The following LHPP variants were observed in gnomAD, a reference collection of about 807,000 sequenced individuals.
LHPP encodes the protein phospholysine phosphohistidine inorganic pyrophosphate phosphatase.
A neutral mutation model predicts 30.3 loss-of-function variants in LHPP; 24 were observed. The ratio of observed to expected loss-of-function variants is 0.79; its 90% confidence interval spans 0.57 to 1.11. LHPP has a LOEUF of 1.11. Ranked by LOEUF, LHPP falls within the 50% of genes most tolerant of loss-of-function variation. LHPP has a pLI of 0.00. For missense variants in LHPP, 356 were observed against 367.2 expected, an observed-to-expected ratio of 0.97 and a Z score of 0.25; for synonymous variants, 150 against 157.1, an observed-to-expected ratio of 0.95 and a Z score of 0.34.
In LHPP at chr10:124,534,585, C is replaced by T. The variant is rs576794302; in HGVS notation, c.716+17314C>T. Among the ~76,000 whole-genome samples, 5 of 152,380 alleles carry T rather than the reference C, an allele frequency of 3.3e-5. No homozygotes were observed. The South Asian group carries it at 8.3e-4, about 25-fold the overall frequency. On this transcript the variant is annotated intron_variant, in intron 6 of 6. Transcript: ENST00000368842. The stretch of plus-strand genomic sequence containing the variant: ...CCACTTCACCCCTGCATGCTTCCTT[C>T]CCTGTCTGTAAAAGCGGATCACGTG...
chr10:124,542,198 A>G (rs1254605016), intron 6 of LHPP, among the ~76,000 whole-genome samples: 1 of 152,168 alleles, frequency 6.6e-6, no homozygotes, highest in African/African-American at 2.4e-5. Flanking sequence ...TGGAACACAG[A>G]TGCCTTCAGT....
chr10:124,479,812 G>A (rs550127823), intron 1 of LHPP, among the ~76,000 whole-genome samples: 1 of 152,344 alleles, frequency 6.6e-6, no homozygotes, highest in South Asian at 2.1e-4. Flanking sequence ...GGGCTCACAG[G>A]CCTTGCTGCT....
intron 6 of LHPP, among the ~76,000 whole-genome samples, chr10:124,578,716 G>A (rs1023568680): frequency 1.3e-5 from 2 of 152,216 alleles, no homozygotes; most frequent in Admixed American, 6.5e-5. Context: ...ACCGCGCCAC[G>A]CGTCAGAAGC....
At chr10:124,499,043 G>C (rs1953824993) in intron 5 of LHPP, among the ~76,000 whole-genome samples, 1 of 149,694 alleles carries the variant, frequency 6.7e-6, no homozygotes, top group Admixed American at 6.6e-5. Context: ...CACCACACCA[G>C]CTAATTTTTT....
At chr10:124,513,484 A>G (rs1230518744) in intron 5 of LHPP, among the ~76,000 whole-genome samples, 17 of 6,182 alleles carry the variant, frequency 2.7e-3, no homozygotes, top group Non-Finnish European at 4.6e-3. Flanking sequence ...TTTTTTTTTG[A>G]GACCGAGTCT....
intron 6 of LHPP, among the ~76,000 whole-genome samples, chr10:124,585,444 G>A (rs1022534522): frequency 3.8e-4 from 57 of 151,644 alleles, no homozygotes; most frequent in African/African-American, 1.3e-3. Context: ...GTGAAACCCC[G>A]ACTCTACTAA....
At chr10:124,473,186 C>A (rs1783367676) in intron 1 of LHPP, among the ~76,000 whole-genome samples, 1 of 152,122 alleles carries the variant, frequency 6.6e-6, no homozygotes, top group Admixed American at 6.6e-5. Flanking sequence ...GCACAAGTTA[C>A]AAAGCTCATG....
chr10:124,564,050 G>A (rs929392983), intron 6 of LHPP, among the ~76,000 whole-genome samples: 2 of 151,898 alleles, frequency 1.3e-5, no homozygotes, highest in African/African-American at 2.4e-5. Flanking sequence ...GGGCTCAAGC[G>A]ATCCTCCCAC....
chr10:124,571,032 G>A (rs1028089508), intron 6 of LHPP, among the ~76,000 whole-genome samples: 5 of 152,160 alleles, frequency 3.3e-5, no homozygotes, highest in African/African-American at 1.2e-4. Context: ...AAGATCAGAT[G>A]GTTTTAAAAA....
rs1389951877 is a variant in LHPP, at chr10:124,596,645, A to C, written c.717-16619A>C. On this transcript the variant is annotated intron_variant, in intron 6 of 6. Coordinates refer to ENST00000368842, the MANE Select transcript of LHPP (RefSeq NM_022126.4). This position sits in a 1 kb window ranked among gnomAD's most constrained non-coding sequence, Gnocchi z 4.6. ...AGCCCTAAACGTGGGACCCTAAACA[A>C]CACCCAGGGAGGAGCAGCCTGGCCT... Among the ~76,000 whole-genome samples the C allele has an allele frequency of 6.6e-6, 1 of 152,160 alleles. No individual in the cohort carries two copies.
At chr10:124,497,284 CCTCCCCATCCTCCA>C (rs1953751814) in intron 4 of LHPP, among the ~76,000 whole-genome samples, 1 of 67,164 alleles carries the variant, frequency 1.5e-5, no homozygotes, top group Non-Finnish European at 3.4e-5. Flanking sequence ...TCCTCCCCAT[CCTCCCCATCCTCCA>C]GTGGGCGCAG....
intron 3 of LHPP, 39 bp downstream of exon 3, chr10:124,488,614 A>G: frequency 6.3e-7 from 1 of 1,575,566 alleles, no homozygotes; most frequent in South Asian, 1.2e-5. Flanking sequence ...TCGGTGCTTT[A>G]GATGATGCTG....
At chr10:124,481,737 A>G (rs917848998) in intron 1 of LHPP, among the ~76,000 whole-genome samples, 1 of 151,622 alleles carries the variant, frequency 6.6e-6, no homozygotes, top group East Asian at 1.9e-4. Flanking sequence ...TCCACCTTCC[A>G]CATACCCCAC....
chr10:124,526,091 CG>C, intron 6 of LHPP: 1 of 776,202 alleles, frequency 1.3e-6, no homozygotes, highest in Non-Finnish European at 1.6e-6. Context: ...TCCTGGAAGG[CG>C]CTGGAGTGGT....
rs1954489465 is a variant in LHPP, at chr10:124,517,456, T to G, written c.716+185T>G. On this transcript the variant is annotated intron_variant, in intron 6 of 6. Transcript: ENST00000368842. The surrounding 1 kb of genome is among the most constrained non-coding windows in gnomAD (Gnocchi z 4.1). ...CTGAGTGGTCTTTTATAGCAGACAGTGATAAAGTAGAGTGGCTTTTGATAC... is the reference window on the plus strand; with the variant it reads ...CTGAGTGGTCTTTTATAGCAGACAGGGATAAAGTAGAGTGGCTTTTGATAC... 2.4e-6 allele frequency: 1 copy of G among 408,248 alleles called. No homozygotes were observed. The highest frequency in any genetic ancestry group is 2.1e-5 in the African/African-American group (1 of 48,268). The allele number at this position is 408,248 out of a possible 1,614,324, so 25.3% of individuals were successfully genotyped here. A position where few individuals can be genotyped will look rare whatever the true frequency, so the allele number is the denominator to read the frequency against.
At chr10:124,594,073 C>T (rs1444408650) in intron 6 of LHPP, among the ~76,000 whole-genome samples, 1 of 152,104 alleles carries the variant, frequency 6.6e-6, no homozygotes, top group African/African-American at 2.4e-5. Flanking sequence ...TGGGGGGCTC[C>T]CACCAGCACT....
intron 6 of LHPP, among the ~76,000 whole-genome samples, chr10:124,571,262 G>A (rs527338195): frequency 6.6e-6 from 1 of 152,372 alleles, no homozygotes; most frequent in South Asian, 2.1e-4. Flanking sequence ...GAATAGTGGT[G>A]CTGTGAACAC....
chr10:124,512,444 G>A (rs1465836320), intron 5 of LHPP, among the ~76,000 whole-genome samples: 3 of 151,812 alleles, frequency 2.0e-5, no homozygotes, highest in African/African-American at 4.8e-5. Flanking sequence ...GTGAAACCCC[G>A]TCTCTACTAA....
intron 1 of LHPP, among the ~76,000 whole-genome samples, chr10:124,472,155 A>G (rs1290633221): frequency 6.6e-6 from 1 of 151,048 alleles, no homozygotes; most frequent in African/African-American, 2.4e-5. Flanking sequence ...TTTACTAAAT[A>G]TACAAAAATC....
Sources: gnomAD v4.1 joint callset for allele counts (sites outside exome capture counted in the v4.1 genomes callset) on GRCh38, gnomAD v4.1.1 for gene constraint, Gnocchi (gnomAD v3.1) non-coding constraint, MANE v1.5 for transcripts, NCBI Gene and HGNC (gene_info 2026-07-23, HGNC 2026-07-21) for gene names.